The following ITGBL1 variants were observed in gnomAD, a reference collection of about 807,000 sequenced individuals.
The protein encoded by ITGBL1 is integrin subunit beta like 1, also known as integrin beta-like protein 1.
Under a neutral mutation model 68.5 loss-of-function variants are expected in ITGBL1, and 51 were observed. That is an observed-to-expected ratio of 0.74 (90% CI 0.59 to 0.94). ITGBL1 has a LOEUF of 0.94. Ranked by LOEUF, ITGBL1 falls within the 40% of genes least tolerant of loss-of-function variation. The probability of loss-of-function intolerance (pLI) is 0.00; values close to 1 mark genes in which losing one functional copy is unlikely to be tolerated. For missense variants in ITGBL1, 649 were observed against 647.4 expected (o/e 1.00, Z -0.03); for synonymous variants, 209 against 227.3 (o/e 0.92, Z 0.72).
Position 101,484,207 on chromosome 13 carries a change from T to C in ITGBL1, c.316+30107T>C, listed in dbSNP as rs570568453. Among the ~76,000 whole-genome samples, 21 of 152,244 alleles carry C rather than the reference T, an allele frequency of 1.4e-4. No individual in the cohort carries two copies. The East Asian group carries it at 3.9e-3, about 28-fold the overall frequency. ...CTAAGTTTTATTTTTATTTTTGTGG[T>C]TAAAAGGGATAGGTAAAAACCCATC... On this transcript the variant is annotated intron_variant, in intron 2 of 10. Coordinates refer to ENST00000376180, the MANE Select transcript of ITGBL1 (RefSeq NM_004791.3).
At chr13:101,522,980 CCT>C (rs538327183) in intron 2 of ITGBL1, among the ~76,000 whole-genome samples, 65 of 152,266 alleles carry the variant, frequency 4.3e-4, no homozygotes, top group Non-Finnish European at 9.6e-4. Flanking sequence ...AAAATGCATT[CCT>C]CTCTCGTCCA....
At chr13:101,611,681 C>T (rs554984934) in intron 7 of ITGBL1, among the ~76,000 whole-genome samples, 17 of 151,712 alleles carry the variant, frequency 1.1e-4, no homozygotes, top group African/African-American at 4.1e-4. Flanking sequence ...AAGTCATACA[C>T]TGAACTGGCA....
chr13:101,702,890 A>G lies in ITGBL1; in HGVS notation c.1133-3866A>G, dbSNP rs78605077. ...GAAGTAAAGATGTACTCAATTTAAC[A>G]ATTATTCATTGAGTAGATAGGGGCG... is the stretch of plus-strand genomic sequence containing the variant. On this transcript the variant is annotated intron_variant, in intron 8 of 10. Transcript: ENST00000376180. Among the ~76,000 whole-genome samples, 63 of 152,312 alleles carry G rather than the reference A, an allele frequency of 4.1e-4. 3 individuals carry two copies. In the East Asian group the frequency reaches 0.012, roughly 29 times the overall value.
At chr13:101,667,551 A>G (rs1299415679) in intron 7 of ITGBL1, among the ~76,000 whole-genome samples, 2 of 152,170 alleles carry the variant, frequency 1.3e-5, no homozygotes, top group Non-Finnish European at 2.9e-5. Flanking sequence ...GCTTTACCCA[A>G]AATTTGATGC....
intron 2 of ITGBL1, among the ~76,000 whole-genome samples, chr13:101,526,539 T>C (rs1405835748): frequency 6.6e-6 from 1 of 152,164 alleles, no homozygotes; most frequent in East Asian, 1.9e-4. Flanking sequence ...TTCAGGGACA[T>C]GGATGAAGCT....
chr13:101,620,886 T>C (rs2031553106), intron 7 of ITGBL1, among the ~76,000 whole-genome samples: 1 of 152,160 alleles, frequency 6.6e-6, no homozygotes, highest in South Asian at 2.1e-4. Flanking sequence ...GCCTGTCTCT[T>C]TGATGATTGA....
At chr13:101,502,444 CATT>C (rs2048958960) in intron 2 of ITGBL1, among the ~76,000 whole-genome samples, 1 of 152,120 alleles carries the variant, frequency 6.6e-6, no homozygotes, top group Non-Finnish European at 1.5e-5. Flanking sequence ...ATTCAACAAG[CATT>C]ATGGTGTGCC....
intron 7 of ITGBL1, among the ~76,000 whole-genome samples, chr13:101,608,679 A>G (rs2030987274): frequency 6.6e-6 from 1 of 152,038 alleles, no homozygotes; most frequent in South Asian, 2.1e-4. Context: ...GTACTTTGAG[A>G]AAGCAAGTGG....
At chr13:101,629,866 A>G (rs1486593246) in intron 7 of ITGBL1, among the ~76,000 whole-genome samples, 2 of 152,112 alleles carry the variant, frequency 1.3e-5, no homozygotes, top group Non-Finnish European at 2.9e-5. Flanking sequence ...TCTGTCACCC[A>G]GGCTGGAGTG....
chr13:101,709,374 A>AAAG (rs2034352195), intron 9 of ITGBL1, among the ~76,000 whole-genome samples: 2 of 70,646 alleles, frequency 2.8e-5, no homozygotes, highest in Non-Finnish European at 7.0e-5. Context: ...TCCGTCTCAA[A>AAAG]AAAAAAAAAA....
At chr13:101,467,454 T>G (rs1401319055) in intron 2 of ITGBL1, among the ~76,000 whole-genome samples, 1 of 152,220 alleles carries the variant, frequency 6.6e-6, no homozygotes, top group African/African-American at 2.4e-5. Flanking sequence ...TATTTTCTAA[T>G]AACTTCTAAA....
At chr13:101,647,221 C>A (rs945370584) in intron 7 of ITGBL1, among the ~76,000 whole-genome samples, 13 of 152,064 alleles carry the variant, frequency 8.5e-5, no homozygotes, top group Admixed American at 4.6e-4. Flanking sequence ...CTGTTTACCA[C>A]AATTATAGAA....
At chr13:101,531,069 T>A (rs1162247208) in intron 2 of ITGBL1, among the ~76,000 whole-genome samples, 4 of 152,180 alleles carry the variant, frequency 2.6e-5, no homozygotes, top group Non-Finnish European at 5.9e-5. Flanking sequence ...TTAAAAACTT[T>A]GGAGGCATAC....
intron 2 of ITGBL1, among the ~76,000 whole-genome samples, chr13:101,548,028 A>G (rs551843776): frequency 3.3e-5 from 5 of 151,846 alleles, no homozygotes; most frequent in Admixed American, 2.6e-4. Context: ...TTAGATGTTT[A>G]AAAGTCTTGT....
intron 2 of ITGBL1, among the ~76,000 whole-genome samples, chr13:101,530,458 A>G (rs996661095): frequency 3.5e-4 from 54 of 152,152 alleles, no homozygotes; most frequent in African/African-American, 1.2e-3. Flanking sequence ...TTCCCCACCC[A>G]GGGTTTTGCT....
At chr13:101,529,107 A>G (rs1042480248) in intron 2 of ITGBL1, among the ~76,000 whole-genome samples, 1 of 152,026 alleles carries the variant, frequency 6.6e-6, no homozygotes, top group Non-Finnish European at 1.5e-5. Flanking sequence ...CAAAAGAACA[A>G]ATAAACACAT....
intron 2 of ITGBL1, among the ~76,000 whole-genome samples, chr13:101,463,123 T>G (rs532278875): frequency 6.6e-6 from 1 of 152,314 alleles, no homozygotes; most frequent in African/African-American, 2.4e-5. Flanking sequence ...AATAAATCAC[T>G]GGAGTTATTA....
intron 2 of ITGBL1, among the ~76,000 whole-genome samples, chr13:101,509,669 T>C (rs2049084264): frequency 6.6e-6 from 1 of 152,038 alleles, no homozygotes. Context: ...AAAGCAAAAA[T>C]GAATGGGGAA....
intron 2 of ITGBL1, among the ~76,000 whole-genome samples, chr13:101,535,082 T>C (rs562752851): frequency 6.6e-6 from 1 of 152,234 alleles, no homozygotes; most frequent in South Asian, 2.1e-4. Context: ...CCACTTGGGA[T>C]TGGCTTTCCA....
Sources: allele counts gnomAD v4.1 joint callset (sites outside exome capture counted in the v4.1 genomes callset), GRCh38; gene constraint gnomAD v4.1.1; transcripts MANE v1.5; gene names NCBI Gene and HGNC (gene_info 2026-07-23, HGNC 2026-07-21).